The following SPDYE3 variants were observed in gnomAD, a reference collection of about 807,000 sequenced individuals.
SPDYE3 encodes the protein speedy protein E3.
A neutral mutation model predicts 55.0 loss-of-function variants in SPDYE3; 15 were observed. That is an observed-to-expected ratio of 0.27 (90% CI 0.18 to 0.42). The LOEUF (loss-of-function observed/expected upper bound fraction) is 0.42, where lower values mean the gene tolerates loss of function less well. Among genes scored for constraint, SPDYE3 ranks in the 10% least tolerant of loss-of-function variants. SPDYE3 has a pLI of 1.00. For synonymous variants in SPDYE3, 89 were observed against 229.9 expected (o/e 0.39, Z 5.55); for missense variants, 236 against 576.7 (o/e 0.41, Z 6.05).
At chr7:100,317,207 G>C (rs573795262) in intron 8 of SPDYE3, 52 bp downstream of exon 8, 8 of 1,590,958 alleles carry the variant, frequency 5.0e-6, no homozygotes, top group South Asian at 3.3e-5. Context: ...CTGGGACAGC[G>C]GGGGAAGTGG....
rs1805860004 is a variant in SPDYE3, at chr7:100,307,916, G to A, written c.31G>A (p.Glu11Lys). The A allele has an allele frequency of 6.3e-7, 1 of 1,586,220 alleles. No homozygotes were observed. The part of the protein sequence containing the change: MTSHQPQPQE[E>K]QSPQRSTSGY... ...GAGCCATCAACCGCAGCCCCAGGAA[G>A]AGCAGAGCCCCCAGCGGAGCACCTC... The change falls in exon 1 of 11, where the codon GAG (glutamate) becomes AAG (lysine). Residue 11 changes from glutamate (E) to lysine (K), a missense_variant. Transcript: ENST00000332397.
In SPDYE3 at chr7:100,307,902, C is replaced by T. The variant is rs745825464; in HGVS notation, c.17C>T (p.Pro6Leu). 1.5e-5 allele frequency: 23 copies of T among 1,584,810 alleles called. No individual in the cohort carries two copies. The highest frequency in any genetic ancestry group is 9.0e-5 in the South Asian group (8 of 89,006). The change falls in exon 1 of 11, where the codon CCG (proline) becomes CTG (leucine). Residue 6 changes from proline to leucine, a missense_variant. Physicochemically the swap from Pro to Leu is moderately conservative, Grantham distance 98. Transcript: ENST00000332397. Reference sequence around the variant, plus strand: ...GGAAAGATCATGACGAGCCATCAACCGCAGCCCCAGGAAGAGCAGAGCCCC... The same window carrying T: ...GGAAAGATCATGACGAGCCATCAACTGCAGCCCCAGGAAGAGCAGAGCCCC... The part of the protein sequence containing the change: MTSHQ[P>L]QPQEEQSPQR...
At chr7:100,315,413 T>C (rs1484119223) in intron 6 of SPDYE3, among the ~76,000 whole-genome samples, 1 of 152,196 alleles carries the variant, frequency 6.6e-6, no homozygotes, top group Non-Finnish European at 1.5e-5. Context: ...AGTGTCTCCA[T>C]CCATAGTGGG....
Position 100,307,834 on chromosome 7 carries a change from G to C in SPDYE3, c.-52G>C, listed in dbSNP as rs1197895631. On this transcript the variant is annotated 5_prime_UTR_variant, in exon 1 of 11. Coordinates refer to ENST00000332397, the MANE Select transcript of SPDYE3 (RefSeq NM_001004351.5). Reference sequence around the variant, plus strand: ...CCAGCAGTGTCCAGAAGAAGACCAAGGACAGAACAGAGACTAGCTTCGGTG... The same window carrying C: ...CCAGCAGTGTCCAGAAGAAGACCAACGACAGAACAGAGACTAGCTTCGGTG... 7.8e-6 allele frequency: 12 copies of C among 1,535,300 alleles called. No homozygotes were observed. The highest frequency in any genetic ancestry group is 9.6e-6 in the Non-Finnish European group (11 of 1,146,432).
intron 10 of SPDYE3, chr7:100,320,292 G>T (rs553101975): frequency 9.2e-6 from 10 of 1,088,362 alleles, no homozygotes; most frequent in African/African-American, 3.2e-5. Flanking sequence ...CACTCCAGCC[G>T]GGGCGACAGA....
At chr7:100,317,250 T>C (rs1268340316) in intron 8 of SPDYE3, 95 bp downstream of exon 8, 1 of 1,272,766 alleles carries the variant, frequency 7.9e-7, no homozygotes, top group South Asian at 1.2e-5. Context: ...TTTCACCTAT[T>C]TGTCCTCTTT....
Position 100,321,171 on chromosome 7 carries a change from C to T in SPDYE3, c.*326C>T, listed in dbSNP as rs1205801459. ...CCCTTTTTATATTGCTGAATGCCAA[C>T]CTCCCTGGGGCGGAACCTGGAGGTC... On this transcript the variant is annotated 3_prime_UTR_variant, in exon 11 of 11. Transcript: ENST00000332397. The T allele has an allele frequency of 5.9e-6, 3 of 510,462 alleles. No individual in the cohort carries two copies. Among genetic ancestry groups the T allele is most frequent in the Non-Finnish European group, 1.2e-5 (3 of 258,684 alleles). The allele number at this position is 510,462 out of a possible 1,614,324, so 31.6% of individuals were successfully genotyped here. A position where few individuals can be genotyped will look rare whatever the true frequency, so the allele number is the denominator to read the frequency against.
intron 6 of SPDYE3, among the ~76,000 whole-genome samples, chr7:100,315,353 C>T (rs1255709306): frequency 1.1e-4 from 16 of 152,162 alleles, no homozygotes; most frequent in Non-Finnish European, 2.2e-4. Context: ...AAAGTGGTTT[C>T]AGCTGTGCCC....
chr7:100,315,253 T>G (rs1250487452), intron 6 of SPDYE3, among the ~76,000 whole-genome samples: 5 of 152,140 alleles, frequency 3.3e-5, no homozygotes, highest in Admixed American at 6.6e-5. Flanking sequence ...CATTCCAGCC[T>G]GGCCCACAGA....
chr7:100,307,846 G>C lies in SPDYE3; in HGVS notation c.-40G>C. 1 of 1,543,550 alleles carries C rather than the reference G, an allele frequency of 6.5e-7. No homozygotes were observed. Among genetic ancestry groups the C allele is most frequent in the Non-Finnish European group, 8.7e-7 (1 of 1,151,408 alleles). ...AGAAGAAGACCAAGGACAGAACAGA[G>C]ACTAGCTTCGGTGAGATTGGACAGA... On this transcript the variant is annotated 5_prime_UTR_variant, in exon 1 of 11. Transcript: ENST00000332397.
chr7:100,309,576 C>A (rs1252635451), intron 2 of SPDYE3, among the ~76,000 whole-genome samples: 2 of 138,286 alleles, frequency 1.4e-5, no homozygotes, highest in Admixed American at 7.1e-5. Flanking sequence ...AAAACCAAGG[C>A]TGGGCACAGT....
chr7:100,317,183 C>T (rs1187663731), intron 8 of SPDYE3, 28 bp downstream of exon 8: 1 of 1,611,048 alleles, frequency 6.2e-7, no homozygotes, highest in Admixed American at 1.7e-5. Flanking sequence ...TCCTATCCAT[C>T]AATATCCAAC....
In SPDYE3 at chr7:100,320,876, C is replaced by G; in HGVS notation, c.*46-15C>G. The G allele has an allele frequency of 8.2e-7, 1 of 1,216,816 alleles. No homozygotes were observed. The highest frequency in any genetic ancestry group is 1.1e-6 in the Non-Finnish European group (1 of 904,206). 75.4% of individuals were successfully genotyped at this position (1,216,816 alleles called of 1,614,324 possible). Reference sequence around the variant, plus strand: ...CTGTCTCCTTGAGGTGTGACATTGTCTCTCTCACTTCCAGAACACCGGACC... The same window carrying G: ...CTGTCTCCTTGAGGTGTGACATTGTGTCTCTCACTTCCAGAACACCGGACC... On this transcript the variant is annotated splice_polypyrimidine_tract_variant and intron_variant, in intron 10 of 10. Transcript: ENST00000332397.
At chr7:100,319,057 T>C (rs930455431) in intron 8 of SPDYE3, among the ~76,000 whole-genome samples, 4 of 151,784 alleles carry the variant, frequency 2.6e-5, no homozygotes, top group African/African-American at 4.8e-5. Context: ...GACTAATGGG[T>C]GTGCCACCGC....
At chr7:100,308,224 G>C (rs938443895) in intron 1 of SPDYE3, among the ~76,000 whole-genome samples, 2 of 151,430 alleles carry the variant, frequency 1.3e-5, no homozygotes, top group Non-Finnish European at 2.9e-5. Context: ...CCAGCTACTC[G>C]GGAGGCTGAG....
intron 9 of SPDYE3, 53 bp from the exon 10 acceptor site, chr7:100,319,878 A>G: frequency 6.2e-7 from 1 of 1,612,762 alleles, no homozygotes; most frequent in Non-Finnish European, 8.5e-7. Context: ...ACGAGGGGAG[A>G]GAGGGGTATC....
chr7:100,307,763 C>T lies in SPDYE3; in HGVS notation c.-123C>T. The T allele has an allele frequency of 7.0e-7, 1 of 1,423,536 alleles. No individual in the cohort carries two copies. Among genetic ancestry groups the T allele is most frequent in the East Asian group, 2.5e-5 (1 of 40,026 alleles). 88.2% of individuals were successfully genotyped at this position (1,423,536 alleles called of 1,614,324 possible). On this transcript the variant is annotated 5_prime_UTR_variant, in exon 1 of 11. Coordinates refer to ENST00000332397, the MANE Select transcript of SPDYE3 (RefSeq NM_001004351.5). The stretch of plus-strand genomic sequence containing the variant: ...AACTTCTCAGAGCTGTTCTCCACTC[C>T]TGACTTCTCCCAGCCTCGAGAATTG...
chr7:100,320,281 G>A (rs1789551443), intron 10 of SPDYE3: 5 of 1,083,904 alleles, frequency 4.6e-6, no homozygotes, highest in Non-Finnish European at 6.2e-6. Context: ...TCCTGCCACT[G>A]CACTCCAGCC....
chr7:100,319,851 G>A (rs1789533848), intron 9 of SPDYE3, 43 bp downstream of exon 9: 1 of 1,613,980 alleles, frequency 6.2e-7, no homozygotes, highest in Non-Finnish European at 8.5e-7. Flanking sequence ...GGAGGAATCG[G>A]GTGGGCTGGA....
Sources: gnomAD v4.1 joint callset for allele counts (sites outside exome capture counted in the v4.1 genomes callset) on GRCh38, gnomAD v4.1.1 for gene constraint, MANE v1.5 for transcripts, NCBI Gene and HGNC (gene_info 2026-07-23, HGNC 2026-07-21) for gene names.